DHRS7B: variants seen among roughly 807,000 people sequenced by gnomAD.
DHRS7B encodes dehydrogenase/reductase 7B.
In DHRS7B, 24 loss-of-function variants were observed where a neutral mutation model predicts 26.4. The ratio of observed to expected loss-of-function variants is 0.91; its 90% CI spans 0.66 to 1.28. The LOEUF is 1.28. Ranked by LOEUF, DHRS7B falls within the 50% of genes most tolerant of loss-of-function variation. The pLI is 0.00. For missense variants in DHRS7B, 368 were observed against 419.4 expected (o/e 0.88, Z 1.07); for synonymous variants, 142 against 166.4 (o/e 0.85, Z 1.13).
chr17:21,170,043 C>T (rs1974203778), intron 1 of DHRS7B, among the ~76,000 whole-genome samples: 1 of 152,200 alleles, frequency 6.6e-6, no homozygotes, highest in Non-Finnish European at 1.5e-5. Flanking sequence ...CAAGCCCCCA[C>T]CCCTCAACCA....
At chr17:21,133,052 A>T (rs1185585369) in intron 1 of DHRS7B, among the ~76,000 whole-genome samples, 1 of 152,058 alleles carries the variant, frequency 6.6e-6, no homozygotes, top group Non-Finnish European at 1.5e-5. Flanking sequence ...TGTCATACCT[A>T]CCTCCGGATT....
chr17:21,163,831 G>A lies in DHRS7B; in HGVS notation c.21-8187G>A, dbSNP rs183646980. Among the ~76,000 whole-genome samples, 184 of 152,160 alleles carry A rather than the reference G, an allele frequency of 1.2e-3. 1 individual carries two copies. Among genetic ancestry groups the A allele is most frequent in the African/African-American group, 4.3e-3 (179 of 41,494 alleles). Reference sequence around the variant, plus strand: ...AGCCTCCCAAGTAGCTAGGACCACAGACATGTGCCAGTATGCCCTGCTAAT... The same window carrying A: ...AGCCTCCCAAGTAGCTAGGACCACAAACATGTGCCAGTATGCCCTGCTAAT... On this transcript the variant is annotated intron_variant, in intron 1 of 6. Transcript: ENST00000395511.
intron 1 of DHRS7B, among the ~76,000 whole-genome samples, chr17:21,146,184 A>G (rs1487436651): frequency 6.6e-6 from 1 of 152,180 alleles, no homozygotes; most frequent in Non-Finnish European, 1.5e-5. Flanking sequence ...TGAGGCAGGC[A>G]GATTGCCTGA....
At chr17:21,140,533 C>G (rs1474520943) in intron 1 of DHRS7B, among the ~76,000 whole-genome samples, 1 of 150,488 alleles carries the variant, frequency 6.6e-6, no homozygotes, top group Non-Finnish European at 1.5e-5. Flanking sequence ...CACACACACA[C>G]ACACACCCTG....
chr17:21,134,180 A>T (rs753628311), intron 1 of DHRS7B, among the ~76,000 whole-genome samples: 1 of 152,170 alleles, frequency 6.6e-6, no homozygotes, highest in Admixed American at 6.5e-5. Flanking sequence ...TTGAAACATA[A>T]TTTTTCTCTC....
At chr17:21,186,527 A>G (rs1304892940) in intron 5 of DHRS7B, among the ~76,000 whole-genome samples, 1 of 152,216 alleles carries the variant, frequency 6.6e-6, no homozygotes, top group East Asian at 1.9e-4. Flanking sequence ...AAACCAATGG[A>G]GCAGGCCCAG....
Position 21,183,707 on chromosome 17 carries a change from C to T in DHRS7B, c.423C>T (p.Asn141=). The change falls in exon 4 of 7, where the codon AAC becomes AAT. Residue 141 remains asparagine, a synonymous_variant. Transcript: ENST00000395511. ...TTGGCTATGTCGACATACTTGTCAA[C>T]AATGCTGGGATCAGCTACCGTGGTA... is the stretch of plus-strand genomic sequence containing the variant. ...QCFGYVDILV[N]NAGISYRGTI... 2 of 1,614,210 alleles carry T rather than the reference C, an allele frequency of 1.2e-6. No individual in the cohort carries two copies. Among genetic ancestry groups the T allele is most frequent in the Non-Finnish European group, 1.7e-6 (2 of 1,180,048 alleles).
rs1186069250 is a variant in DHRS7B, at chr17:21,159,440, AGAGACGGGG to A, written c.21-12577_21-12569del. Among the ~76,000 whole-genome samples, 10 of 150,466 alleles carry A rather than the reference AGAGACGGGG, an allele frequency of 6.6e-5. No homozygotes were observed. In the East Asian group the frequency reaches 2.0e-3, roughly 30 times the overall value. Reference sequence around the variant, plus strand: ...TTTTTTTTTTTTTTGTATTTTTAGTAGAGACGGGGTTTCACTGTGTTGGTCAGGATGGTC... The same window carrying A: ...TTTTTTTTTTTTTTGTATTTTTAGTATTTCACTGTGTTGGTCAGGATGGTC... On this transcript the variant is annotated intron_variant, in intron 1 of 6. Transcript: ENST00000395511.
chr17:21,178,252 T>C lies in DHRS7B; in HGVS notation c.219T>C (p.Tyr73=). The change falls in exon 3 of 7, where the codon TAT becomes TAC. Residue 73 remains tyrosine, a synonymous_variant. Transcript: ENST00000395511. ...GLGKECAKVF[Y]AAGAKLVLCG... Reference sequence around the variant, plus strand: ...CCTTAGAATGTGCAAAAGTCTTCTATGCTGCGGGTGCTAAACTGGTGCTCT... The same window carrying C: ...CCTTAGAATGTGCAAAAGTCTTCTACGCTGCGGGTGCTAAACTGGTGCTCT... 6.2e-7 allele frequency: 1 copy of C among 1,614,262 alleles called. No individual in the cohort carries two copies. Among genetic ancestry groups the C allele is most frequent in the Non-Finnish European group, 8.5e-7 (1 of 1,180,054 alleles).
chr17:21,178,027 C>T (rs181043869), intron 2 of DHRS7B, among the ~76,000 whole-genome samples: 107 of 152,364 alleles, frequency 7.0e-4, no homozygotes, highest in African/African-American at 2.4e-3. Context: ...CACCTCGGCC[C>T]TCCTTTCTCT....
chr17:21,147,304 T>A (rs1003273496), intron 1 of DHRS7B, among the ~76,000 whole-genome samples: 3 of 151,988 alleles, frequency 2.0e-5, no homozygotes, highest in African/African-American at 7.3e-5. Context: ...CTTGGGGCCC[T>A]GAAGTACACA....
chr17:21,133,449 G>A (rs1439824531), intron 1 of DHRS7B, among the ~76,000 whole-genome samples: 1 of 152,250 alleles, frequency 6.6e-6, no homozygotes, highest in Non-Finnish European at 1.5e-5. Flanking sequence ...TCACAGATAG[G>A]TGAGAGACAA....
In DHRS7B at chr17:21,168,389, G is replaced by C. The variant is rs544046106; in HGVS notation, c.21-3629G>C. On this transcript the variant is annotated intron_variant, in intron 1 of 6. Transcript: ENST00000395511. Reference sequence around the variant, plus strand: ...GATTTTGTTTTTTGTTTGCTTTTGAGACAGGGCCTCACTTTGTCACCCAGG... The same window carrying C: ...GATTTTGTTTTTTGTTTGCTTTTGACACAGGGCCTCACTTTGTCACCCAGG... 1.8e-4 allele frequency among the ~76,000 whole-genome samples: 27 copies of C among 152,204 alleles called. No homozygotes were observed. The South Asian group carries it at 3.7e-3, about 21-fold the overall frequency.
At chr17:21,142,954 C>T (rs1973556489) in intron 1 of DHRS7B, among the ~76,000 whole-genome samples, 1 of 152,132 alleles carries the variant, frequency 6.6e-6, no homozygotes, top group Non-Finnish European at 1.5e-5. Flanking sequence ...TTTGAGGTGG[C>T]GTCTTGCTAT....
intron 1 of DHRS7B, chr17:21,168,961 A>T: frequency 1.0e-6 from 1 of 970,498 alleles, no homozygotes; most frequent in East Asian, 1.1e-4. Context: ...GTTGCATGAA[A>T]GTGCAATTTG....
At chr17:21,186,714 T>C (rs997646363) in intron 5 of DHRS7B, among the ~76,000 whole-genome samples, 24 of 152,206 alleles carry the variant, frequency 1.6e-4, no homozygotes, top group African/African-American at 5.5e-4. Flanking sequence ...CGCTGGTGTG[T>C]TTCCCAGGAA....
At chr17:21,141,640 A>AAAAAAAACAAAAAAAAG in intron 1 of DHRS7B, among the ~76,000 whole-genome samples, 1 of 90,078 alleles carries the variant, frequency 1.1e-5, no homozygotes, top group South Asian at 4.2e-4. Context: ...AAAAAAAAAA[A>AAAAAAAACAAAAAAAAG]CAACCTCATC....
intron 1 of DHRS7B, among the ~76,000 whole-genome samples, chr17:21,138,421 C>T (rs61236382): frequency 0.011 from 1,704 of 151,506 alleles, 28 homozygotes; most frequent in African/African-American, 0.038. Flanking sequence ...GATGGGGTTT[C>T]GCCATGTTAG....
intron 1 of DHRS7B, among the ~76,000 whole-genome samples, chr17:21,130,963 A>AT (rs772787393): frequency 3.5e-4 from 54 of 152,146 alleles, no homozygotes; most frequent in Non-Finnish European, 6.8e-4. Flanking sequence ...AATACAACAA[A>AT]TTCCTTAGGA....
Sources: gnomAD v4.1 joint callset for allele counts (sites outside exome capture counted in the v4.1 genomes callset) on GRCh38, gnomAD v4.1.1 for gene constraint, MANE v1.5 for transcripts, NCBI Gene and HGNC (gene_info 2026-07-23, HGNC 2026-07-21) for gene names.